Variants in CUL5 observed in about 807,000 individuals in gnomAD.
CUL5 encodes cullin-5.
Under a neutral mutation model 108.8 loss-of-function variants are expected in CUL5, and 26 were observed. The observed-to-expected ratio is 0.24, with a 90% CI of 0.18 to 0.33. CUL5 has a LOEUF of 0.33. Among genes scored for constraint, CUL5 ranks in the 10% least tolerant of loss-of-function variants. The pLI, the probability that CUL5 is intolerant of heterozygous loss-of-function variation, is 1.00. For synonymous variants in CUL5, 334 were observed against 298.0 expected (o/e 1.12, Z -1.25); for missense variants, 524 against 909.2 (o/e 0.58, Z 5.45).
intron 8 of CUL5, 52 bp from the exon 9 acceptor site, chr11:108,072,280 A>G (rs1012594151): frequency 2.8e-6 from 4 of 1,416,114 alleles, no homozygotes; most frequent in Non-Finnish European, 3.9e-6. Flanking sequence ...GTTTCTCTAA[A>G]CTCTTACTCT....
At position 108,082,657 on chromosome 11, in the gene CUL5, T is replaced by C. The variant is rs141019782; in HGVS notation, c.1178+4417T>C. 3.8e-3 allele frequency among the ~76,000 whole-genome samples: 577 copies of C among 152,222 alleles called. 3 individuals are homozygous for C. The highest frequency in any genetic ancestry group is 0.013 in the African/African-American group (544 of 41,532). On this transcript the variant is annotated intron_variant, in intron 11 of 18. Transcript: ENST00000393094. Reference sequence around the variant, plus strand: ...CAACTGATTTTTTTTTCTGTTTCTTTTTTTTCAGACAGGGTTTCACTCTGT... The same window carrying C: ...CAACTGATTTTTTTTTCTGTTTCTTCTTTTTCAGACAGGGTTTCACTCTGT...
intron 10 of CUL5, among the ~76,000 whole-genome samples, chr11:108,076,592 T>C (rs1226738978): frequency 2.0e-5 from 3 of 152,224 alleles, no homozygotes; most frequent in Non-Finnish European, 1.5e-5. Context: ...TTCCGTCATA[T>C]ATATGTACCA....
At chr11:108,063,949 C>T (rs2135163333) in intron 7 of CUL5, among the ~76,000 whole-genome samples, 1 of 152,206 alleles carries the variant, frequency 6.6e-6, no homozygotes, top group East Asian at 1.9e-4. Context: ...GAGATGATGT[C>T]TCGTTGTAGG....
intron 2 of CUL5, among the ~76,000 whole-genome samples, chr11:108,044,319 C>T (rs1591294013): frequency 6.6e-6 from 1 of 151,864 alleles, no homozygotes; most frequent in Non-Finnish European, 1.5e-5. Flanking sequence ...GGTTCATGAT[C>T]AGTCCAGACA....
At chr11:108,083,838 G>A (rs1288534100) in intron 11 of CUL5, among the ~76,000 whole-genome samples, 1 of 152,156 alleles carries the variant, frequency 6.6e-6, no homozygotes, top group Non-Finnish European at 1.5e-5. Flanking sequence ...CAGTAGAATA[G>A]GTGGTGTGGC....
chr11:108,019,258 A>G (rs1248522011), intron 1 of CUL5, among the ~76,000 whole-genome samples: 3 of 152,066 alleles, frequency 2.0e-5, no homozygotes, highest in Admixed American at 2.0e-4. Flanking sequence ...CCAAGGGACA[A>G]CTGTACAGTA....
chr11:108,081,474 C>G (rs1241813210), intron 11 of CUL5, among the ~76,000 whole-genome samples: 1 of 152,060 alleles, frequency 6.6e-6, no homozygotes, highest in Non-Finnish European at 1.5e-5. Context: ...GGTTGGCTGC[C>G]AGGCGTGGTG....
At chr11:108,052,436 T>A (rs1863252415) in intron 4 of CUL5, among the ~76,000 whole-genome samples, 1 of 151,990 alleles carries the variant, frequency 6.6e-6, no homozygotes, top group Admixed American at 6.6e-5. Context: ...TTTTTTTGTA[T>A]TTTTTTGTAG....
chr11:108,098,703 G>T (rs1381076340), intron 18 of CUL5, among the ~76,000 whole-genome samples, 174 bp downstream of exon 18: 2 of 151,606 alleles, frequency 1.3e-5, no homozygotes, highest in African/African-American at 4.8e-5. Flanking sequence ...GCAACAAAGT[G>T]AGATCTTGTC....
intron 1 of CUL5, among the ~76,000 whole-genome samples, chr11:108,019,429 G>A (rs1344598829): frequency 1.3e-5 from 2 of 152,082 alleles, no homozygotes; most frequent in African/African-American, 4.8e-5. Flanking sequence ...AGTTCCTTTG[G>A]TAAAGTTATT....
At chr11:108,099,710 C>T (rs1591337145) in intron 18 of CUL5, among the ~76,000 whole-genome samples, 1 of 152,044 alleles carries the variant, frequency 6.6e-6, no homozygotes, top group African/African-American at 2.4e-5. Flanking sequence ...TGTGTCACAC[C>T]AGTCATCTTC....
At chr11:108,042,368 C>T (rs1435782498) in intron 2 of CUL5, among the ~76,000 whole-genome samples, 1 of 151,684 alleles carries the variant, frequency 6.6e-6, no homozygotes, top group Non-Finnish European at 1.5e-5. Flanking sequence ...ACAGGCGTGC[C>T]TCACCACACC....
chr11:108,028,665 C>A (rs530856519), intron 1 of CUL5, among the ~76,000 whole-genome samples: 1 of 151,992 alleles, frequency 6.6e-6, no homozygotes, highest in Non-Finnish European at 1.5e-5. Flanking sequence ...GGTGAAACCC[C>A]GTCTCTACTA....
At chr11:108,074,519 TAAATA>T (rs1863900912) in intron 10 of CUL5, among the ~76,000 whole-genome samples, 1 of 151,422 alleles carries the variant, frequency 6.6e-6, no homozygotes, top group South Asian at 2.1e-4. Flanking sequence ...TTAAAACAAG[TAAATA>T]GGCCAGGTGC....
chr11:108,020,011 C>T (rs1862289978), intron 1 of CUL5, among the ~76,000 whole-genome samples: 1 of 151,994 alleles, frequency 6.6e-6, no homozygotes. Context: ...ACAGTGAGAA[C>T]TCACTCACTG....
intron 5 of CUL5, among the ~76,000 whole-genome samples, chr11:108,053,613 A>G (rs1169653513): frequency 1.3e-5 from 2 of 151,920 alleles, no homozygotes; most frequent in East Asian, 3.9e-4. Flanking sequence ...GGTGTTCATA[A>G]GATTAATGTT....
At position 108,009,520 on chromosome 11, in the gene CUL5, C is replaced by T. The variant is rs973375569; in HGVS notation, c.24+148C>T. The T allele has an allele frequency of 6.9e-5, 56 of 817,258 alleles. No individual in the cohort carries two copies. The South Asian group carries it at 8.5e-4, about 12-fold the overall frequency. The allele number at this position is 817,258 out of a possible 1,614,324, so 50.6% of individuals were successfully genotyped here. On this transcript the variant is annotated intron_variant, in intron 1 of 18. Coordinates refer to ENST00000393094, the MANE Select transcript of CUL5 (RefSeq NM_003478.6). ...AAGCCGCGGTGGCAGCCGGCGAGTA[C>T]CGGAACGCGGGTCTGTGGCCTTGGG...
chr11:108,100,262 G>T (rs1375065925), intron 18 of CUL5, among the ~76,000 whole-genome samples: 1 of 152,180 alleles, frequency 6.6e-6, no homozygotes, highest in African/African-American at 2.4e-5. Flanking sequence ...ATAACTTTAG[G>T]CTCGGCGCGG....
chr11:108,034,674 G>A (rs1464753371), intron 2 of CUL5, among the ~76,000 whole-genome samples: 1 of 152,142 alleles, frequency 6.6e-6, no homozygotes, highest in Non-Finnish European at 1.5e-5. Context: ...GTTGTGAAAA[G>A]CAAAAATCAT....
Sources: gnomAD v4.1 joint callset for allele counts (sites outside exome capture counted in the v4.1 genomes callset) on GRCh38, gnomAD v4.1.1 for gene constraint, MANE v1.5 for transcripts, NCBI Gene and HGNC (gene_info 2026-07-23, HGNC 2026-07-21) for gene names.